IL2RB: variants seen among roughly 807,000 people sequenced by gnomAD.
IL2RB encodes the protein interleukin 2 receptor subunit beta.
IL2RB carries 17 observed loss-of-function variants against 44.2 expected under a neutral mutation model. The observed-to-expected ratio is 0.38, with a 90% CI of 0.26 to 0.58. The LOEUF is 0.58. Ranked by LOEUF, IL2RB falls within the 20% of genes least tolerant of loss-of-function variation. IL2RB has a pLI of 0.63. For missense variants in IL2RB, 624 were observed against 685.5 expected (o/e 0.91, Z 1.00); for synonymous variants, 286 against 297.9 (o/e 0.96, Z 0.41).
At chr22:37,137,217 A>C (rs1921753135) in intron 6 of IL2RB, among the ~76,000 whole-genome samples, 1 of 152,190 alleles carries the variant, frequency 6.6e-6, no homozygotes, top group Non-Finnish European at 1.5e-5. Context: ...TGAAGAAATG[A>C]GTGTAAGTGA....
In IL2RB at chr22:37,160,847, AAAAC is replaced by A. The variant is rs201310448; in HGVS notation, c.-34+14107_-34+14110del. Among the ~76,000 whole-genome samples, 1,085 of 152,120 alleles carry A rather than the reference AAAAC, an allele frequency of 7.1e-3. 37 individuals carry two copies. Among genetic ancestry groups the A allele is most frequent in the Admixed American group, 0.062 (943 of 15,280 alleles). On this transcript the variant is annotated intron_variant, in intron 1 of 5. Coordinates refer to the IL2RB transcript ENST00000429622. ...TGACAGAGCGAGACTCAGTCTCAAAAAAACAAACAAAAGACTGGATGCGGTGGCT... is the reference window on the plus strand; with the variant it reads ...TGACAGAGCGAGACTCAGTCTCAAAAAAACAAAAGACTGGATGCGGTGGCT...
rs3218280 is a variant in IL2RB, at chr22:37,141,493, G to A, written c.282+941C>T. On this transcript the variant is annotated intron_variant, in intron 4 of 9. Transcript: ENST00000216223. This position sits in a 1 kb window ranked among gnomAD's most constrained non-coding sequence, Gnocchi z 4.4. ...GCACTCTGTGGATCCAGTGTGAGTC[G>A]GGGACAAGCGGGACCCCTGCCCCTT... Among the ~76,000 whole-genome samples, 3 of 151,980 alleles carry A rather than the reference G, an allele frequency of 2.0e-5. No homozygotes were observed. The highest frequency in any genetic ancestry group is 4.8e-5 in the African/African-American group (2 of 41,470).
rs774730594 is a variant in IL2RB at position 37,163,865 on chromosome 22, C to T, written c.-34+11093G>A. Among the ~76,000 whole-genome samples the T allele has an allele frequency of 2.0e-5, 3 of 152,242 alleles. No individual in the cohort carries two copies. In the East Asian group the frequency reaches 5.8e-4, roughly 29 times the overall value. On this transcript the variant is annotated intron_variant, in intron 1 of 5. Coordinates refer to the IL2RB transcript ENST00000429622. ...CAGGCTTGTCACCCTCTTACTGGGC[C>T]AGGCTGGAGGAAACTGAGACCAGCT...
At chr22:37,159,878 G>C (rs5995390) in intron 1 of IL2RB, among the ~76,000 whole-genome samples, 7,200 of 152,268 alleles carry the variant, frequency 0.047, 565 homozygotes, top group African/African-American at 0.17. Flanking sequence ...TATTCCCATG[G>C]TCCCTGCATC....
intron 1 of IL2RB, among the ~76,000 whole-genome samples, chr22:37,146,876 C>A (rs1036303533): frequency 6.6e-6 from 1 of 152,082 alleles, no homozygotes; most frequent in Non-Finnish European, 1.5e-5. Context: ...TACATCAGAG[C>A]CAGCATGGAG....
chr22:37,163,773 G>A (rs762118474), intron 1 of IL2RB, among the ~76,000 whole-genome samples: 2 of 152,246 alleles, frequency 1.3e-5, no homozygotes, highest in Non-Finnish European at 2.9e-5. Context: ...TTGAGCCTGT[G>A]ACCTTGATTT....
In IL2RB at chr22:37,128,169, C is replaced by A; in HGVS notation, c.1583G>T (p.Arg528Leu). The change falls in exon 10 of 10, where the codon CGC becomes CTC. Residue 528 changes from arginine to leucine, a missense_variant. Around this residue, in one of 3 missense-constraint regions of IL2RB, gnomAD observed 291 missense variants for 275.5 expected, o/e 1.06. Transcript: ENST00000216223. The surrounding 1 kb of genome is among the most constrained non-coding windows in gnomAD (Gnocchi z 4.5). ...GQGEFRALNA[R>L]LPLNTDAYLS... Reference sequence around the variant, plus strand: ...GTAGGCATCAGTGTTCAGGGGCAGGCGAGCATTAAGGGCCCTGAACTCCCC... The same window carrying A: ...GTAGGCATCAGTGTTCAGGGGCAGGAGAGCATTAAGGGCCCTGAACTCCCC... The A allele has an allele frequency of 6.4e-7, 1 of 1,564,302 alleles. No individual in the cohort carries two copies. The highest frequency in any genetic ancestry group is 1.4e-5 in the African/African-American group (1 of 72,784).
chr22:37,153,483 A>G (rs1922569685), upstream of IL2RB, among the ~76,000 whole-genome samples: 1 of 152,168 alleles, frequency 6.6e-6, no homozygotes, highest in South Asian at 2.1e-4. Context: ...CTGGACAAGA[A>G]GGTGTGTATA....
intron 1 of IL2RB, among the ~76,000 whole-genome samples, chr22:37,162,416 G>C (rs1432502474): frequency 2.0e-5 from 3 of 152,206 alleles, no homozygotes; most frequent in Non-Finnish European, 2.9e-5. Flanking sequence ...CCACCGACTT[G>C]CTGGAAGGCT....
intron 3 of IL2RB, chr22:37,142,737 G>T: frequency 1.5e-6 from 1 of 689,194 alleles, no homozygotes. Flanking sequence ...CTGGTCCCAC[G>T]GCAGCTGGAG....
intron 9 of IL2RB, among the ~76,000 whole-genome samples, chr22:37,129,921 A>G (rs1195730323): frequency 6.6e-6 from 1 of 152,190 alleles, no homozygotes; most frequent in Non-Finnish European, 1.5e-5. Context: ...TGTGCCCAGC[A>G]TGGCGGGTCT....
chr22:37,160,014 C>G (rs994924735), intron 1 of IL2RB, among the ~76,000 whole-genome samples: 2 of 152,240 alleles, frequency 1.3e-5, no homozygotes, highest in Non-Finnish European at 2.9e-5. Context: ...ATTGCGAGGG[C>G]CACTGCATTG....
At chr22:37,142,388 G>A in intron 4 of IL2RB, 46 bp downstream of exon 4, 1 of 1,566,378 alleles carries the variant, frequency 6.4e-7, no homozygotes, top group East Asian at 2.2e-5. Context: ...CCCGGAGCTG[G>A]GAGACCACCC....
At chr22:37,151,324 C>G (rs2146255124), upstream of IL2RB, among the ~76,000 whole-genome samples, 1 of 152,322 alleles carries the variant, frequency 6.6e-6, no homozygotes, top group South Asian at 2.1e-4. Context: ...CTCTGATGAT[C>G]AATGATGTTG....
At chr22:37,164,278 C>T (rs550120609) in intron 1 of IL2RB, among the ~76,000 whole-genome samples, 1 of 152,218 alleles carries the variant, frequency 6.6e-6, no homozygotes, top group East Asian at 1.9e-4. Flanking sequence ...CGTCAGGGCC[C>T]AGAAGAGACC....
chr22:37,143,617 C>T lies in IL2RB; in HGVS notation c.107G>A (p.Cys36Tyr). 6.2e-7 allele frequency: 1 copy of T among 1,613,900 alleles called. No individual in the cohort carries two copies. Among genetic ancestry groups the T allele is most frequent in the Non-Finnish European group, 8.5e-7 (1 of 1,179,838 alleles). The change falls in exon 3 of 10, where the codon TGC (cysteine) becomes TAC (tyrosine). Residue 36 changes from cysteine to tyrosine, a missense_variant. Physicochemically the swap from Cys to Tyr is radical, Grantham distance 194 (BLOSUM62 -2). This residue lies in a region of IL2RB where 78 missense variants were observed against 70.0 expected (regional missense o/e 1.11). Coordinates refer to ENST00000216223, the MANE Select transcript of IL2RB (RefSeq NM_000878.5). ...AAVNGTSQFT[C>Y]FYNSRANISC... ...GATGTTGGCTCTCGAGTTGTAGAAGCATGTGAACTGGGAAGTGCCTGCCGG... is the reference window on the plus strand; with the variant it reads ...GATGTTGGCTCTCGAGTTGTAGAAGTATGTGAACTGGGAAGTGCCTGCCGG...
intron 1 of IL2RB, among the ~76,000 whole-genome samples, chr22:37,155,347 C>T (rs1166786114): frequency 6.6e-6 from 1 of 152,182 alleles, no homozygotes; most frequent in Non-Finnish European, 1.5e-5. Context: ...TTCCCAAACT[C>T]AAATCACGTC....
In IL2RB at chr22:37,158,435, G is replaced by A. The variant is rs527568272; in HGVS notation, c.-33-14230C>T. ...AGCCGGGCGTGGTGGTGGGCACCCCGTAGTCCCAGCTATTCAGGAGGCTGA... is the reference window on the plus strand; with the variant it reads ...AGCCGGGCGTGGTGGTGGGCACCCCATAGTCCCAGCTATTCAGGAGGCTGA... On this transcript the variant is annotated intron_variant, in intron 1 of 5. Coordinates refer to the IL2RB transcript ENST00000429622. Among the ~76,000 whole-genome samples, 223 of 152,248 alleles carry A rather than the reference G, an allele frequency of 1.5e-3. 2 individuals carry two copies. The highest frequency in any genetic ancestry group is 4.6e-3 in the African/African-American group (193 of 41,538).
chr22:37,173,494 T>C (rs1409359158), intron 1 of IL2RB, among the ~76,000 whole-genome samples: 1 of 152,228 alleles, frequency 6.6e-6, no homozygotes, highest in Admixed American at 6.5e-5. Context: ...AGTTTCTTCT[T>C]CTGTAAAATA....
Sources: allele counts gnomAD v4.1 joint callset (sites outside exome capture counted in the v4.1 genomes callset), GRCh38; gene constraint gnomAD v4.1.1; regional missense constraint gnomAD v4.1.1; non-coding constraint Gnocchi (gnomAD v3.1); transcripts MANE v1.5; gene names NCBI Gene and HGNC (gene_info 2026-07-23, HGNC 2026-07-21).